The following STON1 variants were observed in gnomAD, a reference collection of about 807,000 sequenced individuals.
STON1 encodes stonin 1.
Under a neutral mutation model 60.9 loss-of-function variants are expected in STON1, and 79 were observed. The observed-to-expected ratio is 1.30, with a 90% confidence interval of 1.08 to 1.56. STON1 has a LOEUF of 1.56. Among genes scored for constraint, STON1 ranks in the 40% most tolerant of loss-of-function variants. The pLI is 0.00. For missense variants in STON1, 1,166 were observed against 858.9 expected (o/e 1.36, Z -4.47); for synonymous variants, 363 against 306.9 (o/e 1.18, Z -1.91).
intron 1 of STON1, among the ~76,000 whole-genome samples, chr2:48,550,169 A>G (rs1672038447): frequency 6.6e-6 from 1 of 152,138 alleles, no homozygotes; most frequent in South Asian, 2.1e-4. Context: ...TTCAGCAGCT[A>G]TCAACAAGTA....
At chr2:48,532,630 G>A (rs146186926) in intron 1 of STON1, among the ~76,000 whole-genome samples, 234 of 152,188 alleles carry the variant, frequency 1.5e-3, no homozygotes, top group African/African-American at 5.3e-3. Flanking sequence ...TTTCTGCCTT[G>A]TCCAGCTTTT....
chr2:48,559,679 C>T (rs947850193), intron 1 of STON1, among the ~76,000 whole-genome samples: 2 of 152,194 alleles, frequency 1.3e-5, no homozygotes, highest in African/African-American at 4.8e-5. Context: ...TAGGCAGTGG[C>T]AGGGCTGGGA....
intron 1 of STON1, 121 bp from the exon 2 acceptor site, chr2:48,580,466 A>C (rs1454544674): frequency 1.9e-6 from 2 of 1,047,460 alleles, no homozygotes; most frequent in Middle Eastern, 3.5e-4. Context: ...TTTTTTTTTA[A>C]TCCACTTAGC....
intron 1 of STON1, among the ~76,000 whole-genome samples, chr2:48,575,566 T>A (rs1239244134): frequency 6.6e-6 from 1 of 151,554 alleles, no homozygotes; most frequent in African/African-American, 2.4e-5. Context: ...GGCAGGAGAA[T>A]CACTTGAACC....
chr2:48,558,051 C>T (rs1242925100), intron 1 of STON1, among the ~76,000 whole-genome samples: 2 of 152,098 alleles, frequency 1.3e-5, no homozygotes, highest in African/African-American at 2.4e-5. Flanking sequence ...GGAGAAACCC[C>T]ATCTCTACCA....
intron 2 of STON1, among the ~76,000 whole-genome samples, chr2:48,588,335 G>T (rs1572645275): frequency 6.6e-6 from 1 of 152,094 alleles, no homozygotes; most frequent in East Asian, 1.9e-4. Context: ...TTTCAAGATT[G>T]TCTCGGAAAA....
At chr2:48,540,689 C>T (rs537530456) in intron 1 of STON1, among the ~76,000 whole-genome samples, 62 of 152,334 alleles carry the variant, frequency 4.1e-4, no homozygotes, top group African/African-American at 1.3e-3. Flanking sequence ...AACCCAAAGA[C>T]GGCGCTCTTG....
intron 1 of STON1, chr2:48,569,155 T>G (rs1440455899): frequency 1.3e-5 from 2 of 152,170 alleles, no homozygotes; most frequent in Non-Finnish European, 2.9e-5. Flanking sequence ...ACTTCATGAG[T>G]TTGTGAGTAT....
chr2:48,568,638 A>T (rs1005503985), intron 1 of STON1, among the ~76,000 whole-genome samples: 1 of 152,202 alleles, frequency 6.6e-6, no homozygotes. Context: ...GAAATTATTC[A>T]TCACTAAGGG....
At chr2:48,585,093 G>C (rs191876676) in intron 2 of STON1, among the ~76,000 whole-genome samples, 296 of 152,308 alleles carry the variant, frequency 1.9e-3, no homozygotes, top group African/African-American at 6.6e-3. Context: ...ATACTAGCAA[G>C]GATAGCTCAG....
At chr2:48,562,139 G>A (rs917109455) in intron 1 of STON1, among the ~76,000 whole-genome samples, 2 of 152,216 alleles carry the variant, frequency 1.3e-5, no homozygotes, top group African/African-American at 4.8e-5. Context: ...GGGATTACAG[G>A]TGTGAGCCAC....
At chr2:48,568,406 T>C (rs963316921) in intron 1 of STON1, among the ~76,000 whole-genome samples, 2 of 152,174 alleles carry the variant, frequency 1.3e-5, no homozygotes, top group Non-Finnish European at 2.9e-5. Context: ...TAGAACTTCA[T>C]ATTTACATTT....
chr2:48,583,148 G>C (rs975392701), intron 2 of STON1, among the ~76,000 whole-genome samples: 1 of 152,236 alleles, frequency 6.6e-6, no homozygotes, highest in Admixed American at 6.5e-5. Context: ...GAGTGCAGTG[G>C]CACGATCACG....
At chr2:48,546,549 T>G (rs527291362) in intron 1 of STON1, among the ~76,000 whole-genome samples, 19 of 152,380 alleles carry the variant, frequency 1.2e-4, no homozygotes, top group Admixed American at 2.0e-4. Flanking sequence ...ATTAGGCATC[T>G]GGCTTTGTGT....
At chr2:48,569,061 A>G (rs1673071882) in intron 1 of STON1, 1 of 152,236 alleles carries the variant, frequency 6.6e-6, no homozygotes. Flanking sequence ...TCTAGGTTCT[A>G]CATCTTACTG....
At chr2:48,578,260 G>A (rs1165228099) in intron 1 of STON1, among the ~76,000 whole-genome samples, 1 of 152,188 alleles carries the variant, frequency 6.6e-6, no homozygotes, top group Non-Finnish European at 1.5e-5. Flanking sequence ...TTACAGGTGT[G>A]AGCCACTGCA....
At chr2:48,587,971 G>A (rs1037890933) in intron 2 of STON1, among the ~76,000 whole-genome samples, 2 of 152,194 alleles carry the variant, frequency 1.3e-5, no homozygotes, top group Admixed American at 1.3e-4. Flanking sequence ...GGTAGGGAGG[G>A]CAATGCAGAG....
intron 1 of STON1, among the ~76,000 whole-genome samples, chr2:48,550,368 G>A (rs1672047092): frequency 6.6e-6 from 1 of 151,240 alleles, no homozygotes. Context: ...ATGGTGGTGC[G>A]TGCCTGTAAT....
At chr2:48,547,085 C>A (rs1265395553) in intron 1 of STON1, among the ~76,000 whole-genome samples, 1 of 152,214 alleles carries the variant, frequency 6.6e-6, no homozygotes, top group African/African-American at 2.4e-5. Flanking sequence ...AACCTTACTT[C>A]CTTTTAACTA....
Sources: gnomAD v4.1 joint callset for allele counts (sites outside exome capture counted in the v4.1 genomes callset) on GRCh38, gnomAD v4.1.1 for gene constraint, MANE v1.5 for transcripts, NCBI Gene and HGNC (gene_info 2026-07-23, HGNC 2026-07-21) for gene names.